Variants in PREX1 observed in about 807,000 individuals in gnomAD.
PREX1 encodes phosphatidylinositol 3,4,5-trisphosphate-dependent Rac exchanger 1 protein.
PREX1 carries 41 observed loss-of-function variants against 198.3 expected under a neutral mutation model. That is an observed-to-expected ratio of 0.21 (90% CI 0.16 to 0.27). The LOEUF is 0.27. Ranked by LOEUF, PREX1 falls within the 10% of genes least tolerant of loss-of-function variation. The pLI is 1.00. For synonymous variants in PREX1, 843 were observed against 887.2 expected (o/e 0.95, Z 0.89); for missense variants, 1,620 against 2,200.7 (o/e 0.74, Z 5.28).
At chr20:48,731,444 C>T (rs1354895324) in intron 4 of PREX1, among the ~76,000 whole-genome samples, 1 of 152,210 alleles carries the variant, frequency 6.6e-6, no homozygotes, top group Non-Finnish European at 1.5e-5. Flanking sequence ...ACTTTTCTTG[C>T]CTTGTTCATG....
chr20:48,776,075 G>C (rs1026749784), intron 1 of PREX1, among the ~76,000 whole-genome samples: 2 of 152,140 alleles, frequency 1.3e-5, no homozygotes, highest in Middle Eastern at 3.4e-3. Flanking sequence ...CTCACCAATG[G>C]AGGTGAGCAC....
chr20:48,877,871 G>A, the PREX1 span, among the ~76,000 whole-genome samples: 1 of 152,180 alleles, frequency 6.6e-6, no homozygotes, highest in Non-Finnish European at 1.5e-5. Context: ...CACTTTGGGA[G>A]GCTGAGGCGG....
At position 48,761,650 on chromosome 20, in the gene PREX1, A is replaced by G. The variant is rs550835721; in HGVS notation, c.220-13770T>C. On this transcript the variant is annotated intron_variant, in intron 1 of 39. Transcript: ENST00000371941. Reference sequence around the variant, plus strand: ...AGTGGGGGACACTGAGAGGAACCCAATGCTTTTCTTCACGCAGCCCCCATC... The same window carrying G: ...AGTGGGGGACACTGAGAGGAACCCAGTGCTTTTCTTCACGCAGCCCCCATC... Among the ~76,000 whole-genome samples, 49 of 152,246 alleles carry G rather than the reference A, an allele frequency of 3.2e-4. 1 individual carries two copies. In the Middle Eastern group the frequency reaches 0.01, roughly 32 times the overall value.
chr20:48,644,265 G>A (rs1405958859), intron 27 of PREX1, 144 bp downstream of exon 27: 7 of 693,874 alleles, frequency 1.0e-5, no homozygotes, highest in Non-Finnish European at 1.6e-5. Context: ...TTGAATGACT[G>A]AATGGAAGGA....
Position 48,629,502 on chromosome 20 carries a change from G to C in PREX1, c.4713C>G (p.Leu1571=). 6.2e-7 allele frequency: 1 copy of C among 1,614,080 alleles called. No homozygotes were observed. The highest frequency in any genetic ancestry group is 8.5e-7 in the Non-Finnish European group (1 of 1,179,928). Residue 1571 remains leucine, a synonymous_variant, in exon 37 of 40, where the codon CTC becomes CTG. Coordinates refer to ENST00000371941, the MANE Select transcript of PREX1 (RefSeq NM_020820.4). ...GAGLIPISSE[L]CYRLGACQMV... ...TCTGGCAGGCCCCCAGGCGGTAGCAGAGCTCCGAGGAGATGGGGATGAGGC... is the reference window on the plus strand; with the variant it reads ...TCTGGCAGGCCCCCAGGCGGTAGCACAGCTCCGAGGAGATGGGGATGAGGC...
chr20:48,846,748 G>A, the PREX1 span, among the ~76,000 whole-genome samples: 1 of 152,204 alleles, frequency 6.6e-6, no homozygotes, highest in Non-Finnish European at 1.5e-5. Flanking sequence ...CCAGCCCCAT[G>A]GATGGGGTGC....
intron 25 of PREX1, among the ~76,000 whole-genome samples, chr20:48,646,917 T>C (rs1184621095): frequency 1.3e-5 from 2 of 152,190 alleles, no homozygotes; most frequent in Admixed American, 1.3e-4. Context: ...TATCTATATC[T>C]TAGGCTTCTG....
At chr20:48,715,942 C>T (rs1297419301) in intron 5 of PREX1, among the ~76,000 whole-genome samples, 1 of 152,158 alleles carries the variant, frequency 6.6e-6, no homozygotes, top group Non-Finnish European at 1.5e-5. Context: ...TTGCCCAAGG[C>T]CACAGAGACA....
intron 15 of PREX1, among the ~76,000 whole-genome samples, chr20:48,665,020 C>T (rs148366133): frequency 0.11 from 13,403 of 123,626 alleles, 809 homozygotes; most frequent in Middle Eastern, 0.21. Flanking sequence ...CGACTCCAGA[C>T]GGCCTGAATT....
chr20:48,873,575 G>T, the PREX1 span, among the ~76,000 whole-genome samples: 1 of 125,010 alleles, frequency 8.0e-6, no homozygotes, highest in African/African-American at 3.0e-5. Context: ...AAAAAAAAAA[G>T]CCGGTATGGT....
upstream of PREX1, among the ~76,000 whole-genome samples, chr20:48,830,574 C>T (rs1344020948): frequency 6.6e-6 from 1 of 152,214 alleles, no homozygotes; most frequent in Non-Finnish European, 1.5e-5. Context: ...AGAATTGGCC[C>T]ACACTGCCAA....
At chr20:48,836,452 C>T in the PREX1 span, among the ~76,000 whole-genome samples, 3 of 152,086 alleles carry the variant, frequency 2.0e-5, no homozygotes, top group Non-Finnish European at 4.4e-5. Context: ...CACAGGTGTT[C>T]CCTGACTCCT....
chr20:48,685,628 G>A (rs913352472), intron 10 of PREX1, among the ~76,000 whole-genome samples: 1 of 152,226 alleles, frequency 6.6e-6, no homozygotes, highest in Non-Finnish European at 1.5e-5. Context: ...ACCCTTGGGG[G>A]TGATAAAGAC....
intron 9 of PREX1, 27 bp from the exon 10 acceptor site, chr20:48,688,831 A>C: frequency 6.2e-7 from 1 of 1,613,390 alleles, no homozygotes; most frequent in Non-Finnish European, 8.5e-7. Context: ...TCAGCACTGG[A>C]GAGAGCACCA....
At chr20:48,661,527 ATGTGTG>A in intron 15 of PREX1, among the ~76,000 whole-genome samples, 1 of 121,246 alleles carries the variant, frequency 8.2e-6, no homozygotes, top group African/African-American at 3.2e-5. Flanking sequence ...AATATATATA[ATGTGTG>A]TGTGTGTGTG....
chr20:48,718,087 C>T (rs1476429594), intron 5 of PREX1, among the ~76,000 whole-genome samples: 1 of 152,202 alleles, frequency 6.6e-6, no homozygotes, highest in East Asian at 1.9e-4. Context: ...CGCTAAGTTA[C>T]AACCACCCTA....
At chr20:48,737,310 C>A (rs2090061368) in intron 3 of PREX1, among the ~76,000 whole-genome samples, 1 of 149,526 alleles carries the variant, frequency 6.7e-6, no homozygotes, top group Admixed American at 6.7e-5. Context: ...TCGGGAGGGT[C>A]CCAGGCAGAT....
intron 39 of PREX1, among the ~76,000 whole-genome samples, chr20:48,626,498 T>A (rs1188023793): frequency 6.6e-6 from 1 of 152,234 alleles, no homozygotes; most frequent in Non-Finnish European, 1.5e-5. Context: ...CGTCCCCACC[T>A]GCCAAGTGGG....
At chr20:48,812,976 C>T (rs1298718506) in intron 1 of PREX1, among the ~76,000 whole-genome samples, 1 of 152,194 alleles carries the variant, frequency 6.6e-6, no homozygotes, top group East Asian at 1.9e-4. Flanking sequence ...TCTTTTTATT[C>T]ATCTTTATTT....
Sources: gnomAD v4.1 joint callset for allele counts (sites outside exome capture counted in the v4.1 genomes callset) on GRCh38, gnomAD v4.1.1 for gene constraint, MANE v1.5 for transcripts, NCBI Gene and HGNC (gene_info 2026-07-23, HGNC 2026-07-21) for gene names.